The following STK32C variants were observed in gnomAD, a reference collection of about 807,000 sequenced individuals.
STK32C encodes serine/threonine kinase 32C, also known as serine/threonine-protein kinase 32C.
In STK32C, 31 loss-of-function variants were observed where a neutral mutation model predicts 56.5. The observed-to-expected ratio is 0.55, with a 90% CI of 0.41 to 0.74. STK32C has a LOEUF of 0.74. Ranked by LOEUF, STK32C falls within the 30% of genes least tolerant of loss-of-function variation. The probability of loss-of-function intolerance (pLI) is 0.00; values close to 1 mark genes in which losing one functional copy is unlikely to be tolerated. For missense variants in STK32C, 544 were observed against 676.9 expected (o/e 0.80, Z 2.18); for synonymous variants, 309 against 289.4 (o/e 1.07, Z -0.69).
At chr10:132,208,946 T>C in intron 11 of STK32C, 88 bp downstream of exon 11, 1 of 1,270,664 alleles carries the variant, frequency 7.9e-7, no homozygotes, top group Non-Finnish European at 1.1e-6. Context: ...GGCCCACAGG[T>C]GCCCGCTCAC....
chr10:132,264,248 T>A (rs2064416000), intron 1 of STK32C, among the ~76,000 whole-genome samples: 1 of 152,190 alleles, frequency 6.6e-6, no homozygotes, highest in Non-Finnish European at 1.5e-5. Context: ...TGCTATGAAT[T>A]TCACTTCAAT....
intron 3 of STK32C, among the ~76,000 whole-genome samples, chr10:132,227,536 G>C (rs958729786): frequency 2.0e-5 from 3 of 152,046 alleles, no homozygotes; most frequent in Non-Finnish European, 2.9e-5. Context: ...GGTGACAATA[G>C]TGATTGTGTT....
rs2066646600 is a variant in STK32C, at chr10:132,330,586, C to T, written c.301+850G>A. On this transcript the variant is annotated intron_variant, in intron 1 of 1. Transcript: ENST00000368619. The stretch of plus-strand genomic sequence containing the variant: ...TAAGTGGCACAATCATAACTCACTG[C>T]AGCCTCAAAATCCTAGGTTCAAGCG... 3 of 704,806 alleles carry T rather than the reference C, an allele frequency of 4.3e-6. No homozygotes were observed. In the South Asian group the frequency reaches 4.5e-5, roughly 11 times the overall value. 43.7% of individuals were successfully genotyped at this position (704,806 alleles called of 1,614,324 possible). A position where few individuals can be genotyped will look rare whatever the true frequency, so the allele number is the denominator to read the frequency against.
intron 1 of STK32C, among the ~76,000 whole-genome samples, chr10:132,303,170 C>T (rs557196961): frequency 6.6e-6 from 1 of 152,330 alleles, no homozygotes; most frequent in East Asian, 1.9e-4. Flanking sequence ...CGTGGGAGGC[C>T]TCAGATCCCT....
chr10:132,299,421 C>A (rs578056829), intron 1 of STK32C, among the ~76,000 whole-genome samples: 2 of 150,764 alleles, frequency 1.3e-5, no homozygotes, highest in South Asian at 4.2e-4. Flanking sequence ...GCAGCATGGA[C>A]AGCTGATCCA....
At chr10:132,263,655 C>T (rs1269791419) in intron 1 of STK32C, among the ~76,000 whole-genome samples, 1 of 151,332 alleles carries the variant, frequency 6.6e-6, no homozygotes, top group Non-Finnish European at 1.5e-5. Flanking sequence ...GTCAGGAGTT[C>T]GAGACCCACC....
At chr10:132,232,619 T>A (rs2063142385) in intron 2 of STK32C, among the ~76,000 whole-genome samples, 1 of 152,112 alleles carries the variant, frequency 6.6e-6, no homozygotes, top group African/African-American at 2.4e-5. Flanking sequence ...ATCACCAACT[T>A]AAGCCCAAAG....
chr10:132,331,389 A>G (rs1300547637), intron 1 of STK32C: 1 of 1,559,016 alleles, frequency 6.4e-7, no homozygotes, highest in Non-Finnish European at 8.7e-7. Flanking sequence ...GCCCGGTGTC[A>G]TTTCATCTTC....
In STK32C at chr10:132,325,568, G is replaced by T. The variant is rs527497516; in HGVS notation, c.302-1195C>A. Among the ~76,000 whole-genome samples the T allele has an allele frequency of 3.9e-4, 59 of 151,558 alleles. 1 individual carries two copies. The East Asian group carries it at 0.011, about 27-fold the overall frequency. On this transcript the variant is annotated intron_variant, in intron 1 of 1. Transcript: ENST00000368619. The stretch of plus-strand genomic sequence containing the variant: ...AGTCCGTCTTAAAAAAAAAAAAGGG[G>T]GAGTTCCCTGCACAAGTTCTTGCCT...
At chr10:132,229,961 C>T (rs1445220321) in intron 2 of STK32C, among the ~76,000 whole-genome samples, 1 of 152,222 alleles carries the variant, frequency 6.6e-6, no homozygotes, top group African/African-American at 2.4e-5. Context: ...CTCAGCACCT[C>T]CCTGCCCGGT....
At chr10:132,260,280 A>G (rs1351553652) in intron 1 of STK32C, among the ~76,000 whole-genome samples, 1 of 151,852 alleles carries the variant, frequency 6.6e-6, no homozygotes, top group African/African-American at 2.4e-5. Flanking sequence ...ACCAAAGCCC[A>G]CCCCCAGAGT....
rs1228504560 is a variant in STK32C at position 132,254,697 on chromosome 10, G to A, written c.263-8742C>T. ...CCGGCACAATGCGTGCACCCTCCAC[G>A]AAGGCTGCCCCCAGACCTGGGAGCC... On this transcript the variant is annotated intron_variant, in intron 1 of 11. Transcript: ENST00000298630. Among the ~76,000 whole-genome samples the A allele has an allele frequency of 1.6e-4, 14 of 89,100 alleles. 1 individual carries two copies. The highest frequency in any genetic ancestry group is 1.1e-4 in the African/African-American group (2 of 18,024). The allele number at this position is 89,100 out of a possible 152,430, so 58.5% of individuals were successfully genotyped here.
At position 132,253,574 on chromosome 10, in the gene STK32C, G is replaced by GGAGGGAGCC. The variant is rs1565114063; in HGVS notation, c.263-7620_263-7619insGGCTCCCTC. Among the ~76,000 whole-genome samples, 172 of 127,836 alleles carry GGAGGGAGCC rather than the reference G, an allele frequency of 1.3e-3. 1 individual carries two copies. The highest frequency in any genetic ancestry group is 7.3e-3 in the East Asian group (29 of 3,962). 83.9% of individuals were successfully genotyped at this position (127,836 alleles called of 152,430 possible). On this transcript the variant is annotated intron_variant, in intron 1 of 11. Coordinates refer to ENST00000298630, the MANE Select transcript of STK32C (RefSeq NM_173575.4). ...GGAGCTGGAGGGAGTCGAGGGAGCT[G>GGAGGGAGCC]GAGGGAGCTGGAGGGAGCCGAGGGA...
intron 1 of STK32C, among the ~76,000 whole-genome samples, chr10:132,256,969 G>C (rs904988139): frequency 6.6e-6 from 1 of 152,218 alleles, no homozygotes; most frequent in South Asian, 2.1e-4. Context: ...CACTGGATGA[G>C]GGGGAGCGAG....
intron 10 of STK32C, among the ~76,000 whole-genome samples, chr10:132,210,731 T>C (rs982489867): frequency 6.6e-6 from 1 of 152,230 alleles, no homozygotes; most frequent in Admixed American, 6.5e-5. Flanking sequence ...CTTGCGCCTC[T>C]TCCCACGAGG....
chr10:132,301,388 G>A (rs892616754), intron 1 of STK32C, among the ~76,000 whole-genome samples: 3 of 152,248 alleles, frequency 2.0e-5, no homozygotes, highest in Admixed American at 6.5e-5. Flanking sequence ...GGGCTCAAGA[G>A]GAAGTCTGGG....
chr10:132,224,017 G>A (rs1009023622), intron 8 of STK32C, among the ~76,000 whole-genome samples: 6 of 152,330 alleles, frequency 3.9e-5, no homozygotes, highest in East Asian at 1.9e-4. Context: ...AAAGGGTCCC[G>A]GAGATAGCAT....
intron 1 of STK32C, among the ~76,000 whole-genome samples, chr10:132,297,972 C>G (rs2065805192): frequency 6.6e-6 from 1 of 152,274 alleles, no homozygotes; most frequent in Non-Finnish European, 1.5e-5. Flanking sequence ...GGTCTTGGTG[C>G]TCTGCGGCAG....
At chr10:132,270,518 G>A (rs866076116) in intron 1 of STK32C, among the ~76,000 whole-genome samples, 9 of 152,220 alleles carry the variant, frequency 5.9e-5, no homozygotes, top group South Asian at 2.1e-4. Context: ...GGAACTGAGA[G>A]TGAATGTGCA....
Sources: gnomAD v4.1 joint callset for allele counts (sites outside exome capture counted in the v4.1 genomes callset) on GRCh38, gnomAD v4.1.1 for gene constraint, MANE v1.5 for transcripts, NCBI Gene and HGNC (gene_info 2026-07-23, HGNC 2026-07-21) for gene names.